PTGR1: variants seen among roughly 807,000 people sequenced by gnomAD.
PTGR1 encodes 15-oxoprostaglandin 13-reductase.
In PTGR1, 23 loss-of-function variants were observed where a neutral mutation model predicts 37.7. That is an observed-to-expected ratio of 0.61 (90% CI 0.44 to 0.86). The LOEUF is 0.86. Ranked by LOEUF, PTGR1 falls within the 40% of genes least tolerant of loss-of-function variation. The probability of loss-of-function intolerance (pLI) is 0.00; values close to 1 mark genes in which losing one functional copy is unlikely to be tolerated. For missense variants in PTGR1, 351 were observed against 394.3 expected (o/e 0.89, Z 0.93); for synonymous variants, 134 against 140.0 (o/e 0.96, Z 0.30).
Position 111,563,080 on chromosome 9 carries a change from T to C in PTGR1, c.*41A>G. 6.2e-7 allele frequency: 1 copy of C among 1,602,170 alleles called. No homozygotes were observed. The highest frequency in any genetic ancestry group is 8.5e-7 in the Non-Finnish European group (1 of 1,175,290). On this transcript the variant is annotated 3_prime_UTR_variant, in exon 10 of 10. Coordinates refer to ENST00000407693, the MANE Select transcript of PTGR1 (RefSeq NM_001146108.2). ...GCTAAATGGTGAAAAACAAATTAAC[T>C]AATCATCTAAATGGCCTCCAGATTC...
At chr9:111,593,127 C>G (rs1039115908) in intron 3 of PTGR1, 145 bp from the exon 4 acceptor site, 1 of 1,323,242 alleles carries the variant, frequency 7.6e-7, no homozygotes. Context: ...CAATAAAACC[C>G]AGACAGATGA....
chr9:111,591,832 C>A (rs1423972814), intron 4 of PTGR1, among the ~76,000 whole-genome samples: 1 of 152,294 alleles, frequency 6.6e-6, no homozygotes, highest in South Asian at 2.1e-4. Context: ...AGATGAAATG[C>A]TCCTGATTAT....
chr9:111,574,810 G>T lies in PTGR1; in HGVS notation c.684C>A (p.Gly228=). ...VGGEFSNTVI[G]QMKKFGRIAI... is the part of the protein sequence containing the mutation. ...CAATCCTTCCAAATTTCTTCATCTG[G>T]CCGATAACAGTGTTTGAAAACTCTC... Residue 228 remains glycine, a synonymous_variant, in exon 8 of 10, where the codon GGC becomes GGA. Coordinates refer to ENST00000407693, the MANE Select transcript of PTGR1 (RefSeq NM_001146108.2). 6.2e-7 allele frequency: 1 copy of T among 1,613,610 alleles called. No individual in the cohort carries two copies. The highest frequency in any genetic ancestry group is 8.5e-7 in the Non-Finnish European group (1 of 1,179,762).
At chr9:111,565,688 TA>T (rs1828530975) in intron 9 of PTGR1, among the ~76,000 whole-genome samples, 2 of 152,126 alleles carry the variant, frequency 1.3e-5, no homozygotes, top group South Asian at 4.2e-4. Context: ...TGCACCCAGC[TA>T]ATTTTTTAAC....
rs1473300393 is a variant in PTGR1 at position 111,594,347 on chromosome 9, G to A, written c.107-80C>T. 5.5e-6 allele frequency: 7 copies of A among 1,279,926 alleles called. 1 individual carries two copies. Among genetic ancestry groups the A allele is most frequent in the Non-Finnish European group, 7.9e-6 (7 of 881,954 alleles). The allele number at this position is 1,279,926 out of a possible 1,614,324, so 79.3% of individuals were successfully genotyped here. On this transcript the variant is annotated intron_variant, in intron 2 of 9. Coordinates refer to ENST00000407693, the MANE Select transcript of PTGR1 (RefSeq NM_001146108.2). ...ATAGACACTGAGCACCACTAGACAG[G>A]AGGGGTGAGACAGGGACAAGGGTTG...
intron 9 of PTGR1, chr9:111,564,320 T>C: frequency 1.6e-6 from 1 of 613,240 alleles, no homozygotes; most frequent in Non-Finnish European, 2.1e-6. Flanking sequence ...ATTATTATTA[T>C]TCTGAGACAG....
At chr9:111,560,816 G>C (rs1749007571), downstream of PTGR1, among the ~76,000 whole-genome samples, 1 of 148,934 alleles carries the variant, frequency 6.7e-6, no homozygotes, top group Non-Finnish European at 1.5e-5. Context: ...GGTGGCTCAT[G>C]CCTGTAATCC....
At chr9:111,580,842 G>A (rs1432708209) in intron 6 of PTGR1, among the ~76,000 whole-genome samples, 1 of 151,628 alleles carries the variant, frequency 6.6e-6, no homozygotes, top group Non-Finnish European at 1.5e-5. Context: ...AGCCTCCTAA[G>A]TGGACTTCTT....
At chr9:111,581,597 A>T (rs1829282644) in intron 6 of PTGR1, among the ~76,000 whole-genome samples, 1 of 152,162 alleles carries the variant, frequency 6.6e-6, no homozygotes, top group Non-Finnish European at 1.5e-5. Flanking sequence ...AAAGTAGAGC[A>T]ATTTTATAGA....
chr9:111,588,771 C>A (rs1310450550), intron 4 of PTGR1, among the ~76,000 whole-genome samples: 2 of 152,092 alleles, frequency 1.3e-5, no homozygotes, highest in Non-Finnish European at 2.9e-5. Flanking sequence ...GGTGATCCAC[C>A]CACCTCAGCC....
chr9:111,570,899 C>A (rs1828789503), intron 8 of PTGR1, among the ~76,000 whole-genome samples: 1 of 152,110 alleles, frequency 6.6e-6, no homozygotes, highest in African/African-American at 2.4e-5. Context: ...AAGTTACAGT[C>A]AGGGACAGAA....
intron 8 of PTGR1, 42 bp from the exon 9 acceptor site, chr9:111,570,251 G>C (rs750258988): frequency 3.2e-6 from 5 of 1,585,032 alleles, no homozygotes; most frequent in Non-Finnish European, 3.4e-6. Flanking sequence ...GATCCAGGGA[G>C]GTGCCCATGG....
Position 111,553,896 on chromosome 9 carries a change from A to G in PTGR1, c.880-4097T>C, listed in dbSNP as rs1828042897. On this transcript the variant is annotated intron_variant, in intron 9 of 9. Coordinates refer to the PTGR1 transcript ENST00000538962. ...TTAACTGAATGAAAGTTTATTCCCC[A>G]GGGGTCTTTCCAGCATTTTGTTGCT... is the stretch of plus-strand genomic sequence containing the variant. Among the ~76,000 whole-genome samples, 4 of 152,188 alleles carry G rather than the reference A, an allele frequency of 2.6e-5. No homozygotes were observed. The South Asian group carries it at 8.3e-4, about 32-fold the overall frequency.
downstream of PTGR1, among the ~76,000 whole-genome samples, chr9:111,559,593 C>T (rs1239469454): frequency 6.6e-6 from 1 of 151,858 alleles, no homozygotes; most frequent in Non-Finnish European, 1.5e-5. Flanking sequence ...TCCACACACA[C>T]ACACTCACAC....
chr9:111,555,695 C>A (rs961258387), intron 9 of PTGR1, among the ~76,000 whole-genome samples: 1 of 152,116 alleles, frequency 6.6e-6, no homozygotes, highest in Non-Finnish European at 1.5e-5. Flanking sequence ...GTGCTACACA[C>A]TTCTAAACAA....
intron 9 of PTGR1, among the ~76,000 whole-genome samples, chr9:111,564,899 G>A (rs1035244512): frequency 3.9e-5 from 6 of 152,056 alleles, no homozygotes; most frequent in South Asian, 4.2e-4. Flanking sequence ...TGAGGCGGGT[G>A]GATCACCCGA....
At chr9:111,586,637 T>G (rs1000295377) in intron 4 of PTGR1, among the ~76,000 whole-genome samples, 2 of 152,030 alleles carry the variant, frequency 1.3e-5, no homozygotes, top group South Asian at 4.2e-4. Context: ...GTCTTCCTTT[T>G]TCAGCCAAAC....
intron 7 of PTGR1, chr9:111,576,549 C>G: frequency 8.5e-7 from 1 of 1,169,972 alleles, no homozygotes; most frequent in Non-Finnish European, 1.2e-6. Context: ...GGGGTATTAG[C>G]TAGTGGAGTG....
intron 1 of PTGR1, among the ~76,000 whole-genome samples, chr9:111,598,618 C>T (rs1829853279): frequency 6.6e-6 from 1 of 152,178 alleles, no homozygotes; most frequent in South Asian, 2.1e-4. Context: ...TCTCAGCCTC[C>T]TGAGTAGCTG....
Sources: gnomAD v4.1 joint callset for allele counts (sites outside exome capture counted in the v4.1 genomes callset) on GRCh38, gnomAD v4.1.1 for gene constraint, MANE v1.5 for transcripts, NCBI Gene and HGNC (gene_info 2026-07-23, HGNC 2026-07-21) for gene names.